Variants in LGSN observed in about 807,000 individuals in gnomAD.
LGSN encodes lengsin.
A neutral mutation model predicts 19.5 loss-of-function variants in LGSN; 21 were observed. The ratio of observed to expected loss-of-function variants is 1.07; its 90% confidence interval spans 0.76 to 1.55. LGSN has a LOEUF of 1.55. Among genes scored for constraint, LGSN ranks in the 40% most tolerant of loss-of-function variants. The probability of loss-of-function intolerance (pLI) is 0.00; values close to 1 mark genes in which losing one functional copy is unlikely to be tolerated. For missense variants in LGSN, 673 were observed against 608.5 expected, an observed-to-expected ratio of 1.11 and a Z score of -1.12; for synonymous variants, 257 against 215.6, an observed-to-expected ratio of 1.19 and a Z score of -1.68.
At chr6:63,460,313 G>T in the LGSN span, among the ~76,000 whole-genome samples, 5 of 151,378 alleles carry the variant, frequency 3.3e-5, no homozygotes, top group African/African-American at 4.9e-5. Context: ...CTTATTTTTA[G>T]CTTTATTGTC....
At chr6:63,551,482 C>T in the LGSN span, among the ~76,000 whole-genome samples, 1 of 152,268 alleles carries the variant, frequency 6.6e-6, no homozygotes, top group Admixed American at 6.5e-5. Flanking sequence ...TCTTTCCAGG[C>T]TTTTTTCCTA....
At chr6:63,391,598 A>T in the LGSN span, among the ~76,000 whole-genome samples, 199 of 152,232 alleles carry the variant, frequency 1.3e-3, no homozygotes, top group African/African-American at 4.7e-3. Context: ...TGAAGCCTCA[A>T]TGTGTCTCTA....
At chr6:63,442,730 A>G in the LGSN span, among the ~76,000 whole-genome samples, 4 of 152,224 alleles carry the variant, frequency 2.6e-5, no homozygotes, top group African/African-American at 9.6e-5. Flanking sequence ...TTAGCTAGCC[A>G]TAAAAGTTCT....
the LGSN span, among the ~76,000 whole-genome samples, chr6:63,381,765 T>G: frequency 1.4e-4 from 22 of 152,240 alleles, no homozygotes; most frequent in African/African-American, 5.3e-4. Context: ...CCATTTCATC[T>G]TGTCCAGCTC....
In LGSN at chr6:63,279,071, TG is replaced by T. The variant is rs1317990470; in HGVS notation, c.*949del. 1 of 152,222 alleles carries T rather than the reference TG, an allele frequency of 6.6e-6. No individual in the cohort carries two copies. Among genetic ancestry groups the T allele is most frequent in the African/African-American group, 2.4e-5 (1 of 41,468 alleles). The allele number at this position is 152,222 out of a possible 1,614,324, so 9.4% of individuals were successfully genotyped here. ...AAGGCCTGGAACAGGTAATATTCTC[TG>T]GGGAGGTACCAACCTCTGTGAGCAG... is the stretch of plus-strand genomic sequence containing the variant. On this transcript the variant is annotated 3_prime_UTR_variant, in exon 4 of 4. Coordinates refer to ENST00000370657, the MANE Select transcript of LGSN (RefSeq NM_016571.3).
At chr6:63,448,699 CTT>C in the LGSN span, among the ~76,000 whole-genome samples, 4 of 145,796 alleles carry the variant, frequency 2.7e-5, no homozygotes, top group Admixed American at 2.7e-4. Context: ...TCTTCTTATT[CTT>C]TTTGTTTCTT....
the LGSN span, among the ~76,000 whole-genome samples, chr6:63,468,856 C>A: frequency 6.6e-6 from 1 of 151,934 alleles, no homozygotes. Context: ...TCAAGCAATT[C>A]TCCTGCCTCA....
At chr6:63,392,905 G>C in the LGSN span, among the ~76,000 whole-genome samples, 14 of 22,922 alleles carry the variant, frequency 6.1e-4, no homozygotes, top group Non-Finnish European at 8.3e-4. Flanking sequence ...TTTTTTTTTT[G>C]ATATGGAGTC....
the LGSN span, among the ~76,000 whole-genome samples, chr6:63,387,588 T>G: frequency 6.6e-6 from 1 of 152,192 alleles, no homozygotes; most frequent in African/African-American, 2.4e-5. Context: ...AGAAAATATT[T>G]TATCATGGAT....
chr6:63,452,665 CTCTCTCTCTCTG>C, the LGSN span, among the ~76,000 whole-genome samples: 1 of 151,538 alleles, frequency 6.6e-6, no homozygotes, highest in South Asian at 2.1e-4. Flanking sequence ...CTCTCTCTCT[CTCTCTCTCTCTG>C]TCTCTCTCTT....
chr6:63,365,502 A>G, the LGSN span, among the ~76,000 whole-genome samples: 2 of 152,244 alleles, frequency 1.3e-5, no homozygotes, highest in African/African-American at 2.4e-5. Context: ...GAATTCTACC[A>G]GAGGTACAAA....
At chr6:63,357,676 G>T in the LGSN span, among the ~76,000 whole-genome samples, 1 of 152,114 alleles carries the variant, frequency 6.6e-6, no homozygotes, top group African/African-American at 2.4e-5. Context: ...TGTTGATGGG[G>T]TTGTTTGTTT....
At chr6:63,444,608 A>G in the LGSN span, among the ~76,000 whole-genome samples, 3 of 152,218 alleles carry the variant, frequency 2.0e-5, no homozygotes, top group African/African-American at 7.2e-5. Flanking sequence ...GCCAGAAACT[A>G]GAAGGCCATT....
At chr6:63,471,791 G>T in the LGSN span, among the ~76,000 whole-genome samples, 1 of 152,100 alleles carries the variant, frequency 6.6e-6, no homozygotes, top group Non-Finnish European at 1.5e-5. Flanking sequence ...CCAGTGCAAT[G>T]GTATTTGGAG....
the LGSN span, among the ~76,000 whole-genome samples, chr6:63,437,027 G>C: frequency 5.5e-5 from 8 of 144,902 alleles, no homozygotes; most frequent in East Asian, 4.3e-4. Context: ...ACAGAGCAAG[G>C]CTCTGTCAAA....
the LGSN span, among the ~76,000 whole-genome samples, chr6:63,477,829 T>C: frequency 1.3e-5 from 2 of 150,472 alleles, no homozygotes; most frequent in Non-Finnish European, 3.0e-5. Context: ...GTATGAGTCA[T>C]CACACCCAGC....
intron 2 of LGSN, among the ~76,000 whole-genome samples, chr6:63,293,172 TA>T (rs1767842146): frequency 6.6e-6 from 1 of 152,100 alleles, no homozygotes; most frequent in South Asian, 2.1e-4. Context: ...CTAATTTTTT[TA>T]TTGTGTAGAA....
the LGSN span, among the ~76,000 whole-genome samples, chr6:63,515,070 A>G: frequency 3.9e-5 from 6 of 152,104 alleles, no homozygotes; most frequent in Non-Finnish European, 7.4e-5. Flanking sequence ...TGGCATGATC[A>G]TAGCTTACTG....
intron 3 of LGSN, among the ~76,000 whole-genome samples, chr6:63,284,598 A>G (rs1767453855): frequency 6.6e-6 from 1 of 152,198 alleles, no homozygotes; most frequent in African/African-American, 2.4e-5. Context: ...AGCTCTGGCA[A>G]GTAGTTAAAG....
Sources: allele counts gnomAD v4.1 joint callset (sites outside exome capture counted in the v4.1 genomes callset), GRCh38; gene constraint gnomAD v4.1.1; transcripts MANE v1.5; gene names NCBI Gene and HGNC (gene_info 2026-07-23, HGNC 2026-07-21).